C10orf67: variants seen among roughly 807,000 people sequenced by gnomAD.
The protein encoded by C10orf67 is chromosome 10 open reading frame 67, also known as uncharacterized protein C10orf67, mitochondrial.
In C10orf67, 60 loss-of-function variants were observed where a neutral mutation model predicts 35.6. The ratio of observed to expected loss-of-function variants is 1.68; its 90% CI spans 1.37 to 2.09. The LOEUF (loss-of-function observed/expected upper bound fraction) is 2.09. Ranked by LOEUF, C10orf67 falls within the 30% of genes most tolerant of loss-of-function variation. C10orf67 has a pLI of 0.00. For missense variants in C10orf67, 474 were observed against 330.2 expected (o/e 1.44, Z -3.38); for synonymous variants, 167 against 115.8 (o/e 1.44, Z -2.84).
chr10:23,296,132 T>A (rs1190653956), intron 5 of C10orf67, among the ~76,000 whole-genome samples: 2 of 152,158 alleles, frequency 1.3e-5, no homozygotes, highest in African/African-American at 4.8e-5. Flanking sequence ...TTTTGACATA[T>A]AACTTTTCAG....
At chr10:23,262,855 C>G (rs1269343895) in intron 10 of C10orf67, among the ~76,000 whole-genome samples, 3 of 152,166 alleles carry the variant, frequency 2.0e-5, no homozygotes, top group Non-Finnish European at 4.4e-5. Flanking sequence ...CAATTTTGCT[C>G]TCTGAGAGCA....
intron 15 of C10orf67, among the ~76,000 whole-genome samples, chr10:23,208,062 A>C (rs922824472): frequency 6.6e-6 from 1 of 152,188 alleles, no homozygotes; most frequent in African/African-American, 2.4e-5. Flanking sequence ...TTAATATGGA[A>C]GCGTTAGGTA....
chr10:23,223,085 T>G (rs1841629734), intron 15 of C10orf67, among the ~76,000 whole-genome samples: 3 of 152,064 alleles, frequency 2.0e-5, no homozygotes, highest in Admixed American at 2.0e-4. Flanking sequence ...AACTATTTTT[T>G]TTTTTAAATT....
At chr10:23,270,034 T>C (rs900349703) in intron 8 of C10orf67, among the ~76,000 whole-genome samples, 1 of 152,182 alleles carries the variant, frequency 6.6e-6, no homozygotes, top group African/African-American at 2.4e-5. Flanking sequence ...AAACACATCA[T>C]TTTCAAGTAT....
chr10:23,271,064 A>T (rs1411399128), intron 8 of C10orf67, among the ~76,000 whole-genome samples: 15 of 151,980 alleles, frequency 9.9e-5, no homozygotes, highest in Non-Finnish European at 7.3e-5. Flanking sequence ...CTCAAAATAA[A>T]GGGAGGAGGG....
chr10:23,281,758 T>G (rs1257051762), intron 8 of C10orf67, among the ~76,000 whole-genome samples: 1 of 152,174 alleles, frequency 6.6e-6, no homozygotes, highest in African/African-American at 2.4e-5. Flanking sequence ...TGCAGAAATT[T>G]TATACATGGT....
At chr10:23,280,449 T>G (rs763551633) in intron 8 of C10orf67, among the ~76,000 whole-genome samples, 156 of 152,006 alleles carry the variant, frequency 1.0e-3, no homozygotes, top group Non-Finnish European at 1.8e-3. Context: ...TCCAAGTGAG[T>G]AACAGAATGC....
chr10:23,336,111 G>A (rs1247556503), intron 1 of C10orf67, among the ~76,000 whole-genome samples: 3 of 152,182 alleles, frequency 2.0e-5, no homozygotes, highest in Non-Finnish European at 4.4e-5. Context: ...GCAGCACAGA[G>A]GTGGCAGACA....
At chr10:23,211,951 A>G (rs1055269974) in intron 15 of C10orf67, among the ~76,000 whole-genome samples, 4 of 152,212 alleles carry the variant, frequency 2.6e-5, no homozygotes, top group African/African-American at 9.6e-5. Context: ...CCTGTTAGGA[A>G]TTGAATTGTG....
rs1427214308 is a variant in C10orf67, at chr10:23,203,009, C to G, written c.*1164G>C. On this transcript the variant is annotated 3_prime_UTR_variant, in exon 16 of 16. Coordinates refer to ENST00000636213, the MANE Select transcript of C10orf67 (RefSeq NM_001371909.1). Reference sequence around the variant, plus strand: ...CTGGAAACCAACTCACCAGCAATTGCCATTAATCTACTTACTAATTAAGCC... The same window carrying G: ...CTGGAAACCAACTCACCAGCAATTGGCATTAATCTACTTACTAATTAAGCC... 6.6e-6 allele frequency: 1 copy of G among 152,188 alleles called. No individual in the cohort carries two copies. 9.4% of individuals were successfully genotyped at this position (152,188 alleles called of 1,614,324 possible).
At chr10:23,211,773 T>C (rs1166986346) in intron 15 of C10orf67, among the ~76,000 whole-genome samples, 4 of 152,220 alleles carry the variant, frequency 2.6e-5, no homozygotes, top group South Asian at 2.1e-4. Flanking sequence ...TTTGAACACA[T>C]AGGATATTTT....
chr10:23,245,217 AT>A (rs1314335001), intron 12 of C10orf67, among the ~76,000 whole-genome samples: 2 of 152,208 alleles, frequency 1.3e-5, no homozygotes. Flanking sequence ...CTCAAAATGG[AT>A]TAAAGGCATA....
At chr10:23,332,066 A>G (rs1845507187) in intron 2 of C10orf67, among the ~76,000 whole-genome samples, 1 of 152,182 alleles carries the variant, frequency 6.6e-6, no homozygotes, top group Non-Finnish European at 1.5e-5. Flanking sequence ...CAGAAATTCC[A>G]CTTTTAAGAA....
chr10:23,242,683 G>C (rs1842214448), intron 12 of C10orf67, among the ~76,000 whole-genome samples: 1 of 152,002 alleles, frequency 6.6e-6, no homozygotes, highest in African/African-American at 2.4e-5. Flanking sequence ...GGTATCAACA[G>C]TAATTTCTAA....
intron 10 of C10orf67, among the ~76,000 whole-genome samples, chr10:23,262,632 A>G (rs1306601277): frequency 6.6e-6 from 1 of 152,248 alleles, no homozygotes; most frequent in Non-Finnish European, 1.5e-5. Context: ...CAAAATCAAT[A>G]AGAGCACAAG....
At chr10:23,310,244 G>T (rs896261794) in intron 4 of C10orf67, among the ~76,000 whole-genome samples, 1 of 152,116 alleles carries the variant, frequency 6.6e-6, no homozygotes, top group African/African-American at 2.4e-5. Context: ...AAAATGGGAA[G>T]AAAGCAAAAA....
chr10:23,235,992 T>C (rs1842036141), intron 13 of C10orf67, among the ~76,000 whole-genome samples: 1 of 152,048 alleles, frequency 6.6e-6, no homozygotes. Flanking sequence ...CTCAAGCCTG[T>C]AATCCCAGCA....
chr10:23,304,603 T>C (rs1844204987), intron 4 of C10orf67, among the ~76,000 whole-genome samples: 1 of 152,052 alleles, frequency 6.6e-6, no homozygotes, highest in African/African-American at 2.4e-5. Flanking sequence ...CACCTTTCTA[T>C]GTCTCTGGAG....
chr10:23,250,918 T>A (rs1251857036), intron 10 of C10orf67, among the ~76,000 whole-genome samples: 1 of 152,042 alleles, frequency 6.6e-6, no homozygotes, highest in African/African-American at 2.4e-5. Flanking sequence ...GGCAATATAG[T>A]GGGACCTTGT....
Sources: gnomAD v4.1 joint callset for allele counts (sites outside exome capture counted in the v4.1 genomes callset) on GRCh38, gnomAD v4.1.1 for gene constraint, MANE v1.5 for transcripts, NCBI Gene and HGNC (gene_info 2026-07-23, HGNC 2026-07-21) for gene names.